Variants in HHIPL1 observed in about 807,000 individuals in gnomAD.
The protein encoded by HHIPL1 is HHIP like 1.
HHIPL1 carries 43 observed loss-of-function variants against 61.8 expected under a neutral mutation model. That is an observed-to-expected ratio of 0.70 (90% CI 0.55 to 0.90). The LOEUF is 0.90. Ranked by LOEUF, HHIPL1 falls within the 40% of genes least tolerant of loss-of-function variation. The pLI is 0.00. For missense variants in HHIPL1, 1,056 were observed against 1,157.7 expected (o/e 0.91, Z 1.28); for synonymous variants, 482 against 515.8 (o/e 0.93, Z 0.89).
rs1159944908 is a variant in HHIPL1 at position 99,668,709 on chromosome 14, T to C, written c.1730+406T>C. On this transcript the variant is annotated intron_variant, in intron 7 of 8. Coordinates refer to ENST00000330710, the MANE Select transcript of HHIPL1 (RefSeq NM_001127258.3). This position sits in a 1 kb window ranked among gnomAD's most constrained non-coding sequence, Gnocchi z 4.7. ...ATTTGCCTCTGTGATGCCTCCCAGA[T>C]GACACCCTGATCCCTGTGTGTCCCC... 2.9e-6 allele frequency: 2 copies of C among 697,424 alleles called. No individual in the cohort carries two copies. The highest frequency in any genetic ancestry group is 4.3e-6 in the Non-Finnish European group (2 of 460,704). 43.2% of individuals were successfully genotyped at this position (697,424 alleles called of 1,614,324 possible).
intron 5 of HHIPL1, among the ~76,000 whole-genome samples, chr14:99,661,880 G>A (rs2056158840): frequency 6.6e-6 from 1 of 152,144 alleles, no homozygotes; most frequent in South Asian, 2.1e-4. Context: ...TTCTGATTTT[G>A]TGTCCAGCCT....
At chr14:99,671,488 C>A (rs1042559849) in intron 7 of HHIPL1, among the ~76,000 whole-genome samples, 3 of 152,166 alleles carry the variant, frequency 2.0e-5, no homozygotes, top group African/African-American at 7.2e-5. Context: ...TTCGGCCAAG[C>A]CTGTCTGGAG....
chr14:99,627,931 G>A, the HHIPL1 span, among the ~76,000 whole-genome samples: 1 of 152,198 alleles, frequency 6.6e-6, no homozygotes, highest in Non-Finnish European at 1.5e-5. This position sits in a 1 kb window ranked among gnomAD's most constrained non-coding sequence, Gnocchi z 4.4. Context: ...AGGAAGGGCT[G>A]GAATGCATGG....
intron 1 of HHIPL1, among the ~76,000 whole-genome samples, chr14:99,649,292 C>T (rs1430219771): frequency 6.6e-6 from 1 of 152,172 alleles, no homozygotes; most frequent in Non-Finnish European, 1.5e-5. Flanking sequence ...CGTTGCCTTC[C>T]AGATGTCTGT....
chr14:99,622,005 G>C, the HHIPL1 span, among the ~76,000 whole-genome samples: 1 of 152,096 alleles, frequency 6.6e-6, no homozygotes, highest in African/African-American at 2.4e-5. Context: ...ATAAGCCACC[G>C]CGCCTGGCCA....
At chr14:99,627,278 G>A in the HHIPL1 span, among the ~76,000 whole-genome samples, 15 of 147,782 alleles carry the variant, frequency 1.0e-4, no homozygotes, top group African/African-American at 3.8e-4. This position sits in a 1 kb window ranked among gnomAD's most constrained non-coding sequence, Gnocchi z 4.4. Flanking sequence ...CCACCTATCT[G>A]TTCATCTATT....
chr14:99,616,350 A>G, the HHIPL1 span, among the ~76,000 whole-genome samples: 1 of 152,248 alleles, frequency 6.6e-6, no homozygotes, highest in African/African-American at 2.4e-5. Flanking sequence ...TATCCTCGTC[A>G]TTAAGTGACA....
At chr14:99,630,627 C>T in the HHIPL1 span, among the ~76,000 whole-genome samples, 1 of 152,206 alleles carries the variant, frequency 6.6e-6, no homozygotes, top group Non-Finnish European at 1.5e-5. Context: ...GGGGAAGGGT[C>T]CACCGCCGAA....
chr14:99,644,127 C>T (rs2055789180), upstream of HHIPL1, among the ~76,000 whole-genome samples: 1 of 152,158 alleles, frequency 6.6e-6, no homozygotes, highest in Non-Finnish European at 1.5e-5. Context: ...GTGCTCCAGC[C>T]CTGCCGCATC....
rs2056372398 is a variant in HHIPL1 at position 99,675,151 on chromosome 14, C to G, written c.1874C>G (p.Pro625Arg). The change falls in exon 9 of 9, where the codon CCC becomes CGC. Residue 625 changes from proline (P) to arginine (R), a missense_variant. Transcript: ENST00000330710. The surrounding 1 kb of genome is among the most constrained non-coding windows in gnomAD (Gnocchi z 5.4). ...RPTARAPTRA[P>R]RRGRPTAAPP... ...ACAGCGCGGGCGCCCACGCGGGCGC[C>G]CCGCCGAGGGCGCCCCACGGCCGCT... The G allele has an allele frequency of 5.4e-6, 6 of 1,109,090 alleles. No homozygotes were observed. The highest frequency in any genetic ancestry group is 3.8e-5 in the South Asian group (1 of 26,494). The allele number at this position is 1,109,090 out of a possible 1,614,324, so 68.7% of individuals were successfully genotyped here. A position where few individuals can be genotyped will look rare whatever the true frequency, so the allele number is the denominator to read the frequency against.
At chr14:99,619,411 G>A in the HHIPL1 span, among the ~76,000 whole-genome samples, 23,844 of 150,228 alleles carry the variant, frequency 0.16, 2,428 homozygotes, top group East Asian at 0.32. Flanking sequence ...GCAGTGGGCC[G>A]AGATCGCACT....
chr14:99,608,010 G>A, the HHIPL1 span, among the ~76,000 whole-genome samples: 1 of 152,190 alleles, frequency 6.6e-6, no homozygotes, highest in East Asian at 1.9e-4. Flanking sequence ...CTCAGGCACT[G>A]GGAGTGGCTT....
the HHIPL1 span, among the ~76,000 whole-genome samples, chr14:99,619,606 A>G: frequency 6.6e-6 from 1 of 152,074 alleles, no homozygotes; most frequent in African/African-American, 2.4e-5. Context: ...GGAAGTCACC[A>G]CCTCTGAGTT....
At chr14:99,654,759 C>T (rs1020908924) in intron 2 of HHIPL1, among the ~76,000 whole-genome samples, 1 of 152,186 alleles carries the variant, frequency 6.6e-6, no homozygotes, top group Non-Finnish European at 1.5e-5. Context: ...AGCTTCCTGG[C>T]AGCCAGAGTG....
intron 8 of HHIPL1, among the ~76,000 whole-genome samples, chr14:99,673,994 G>T (rs1223210741): frequency 2.0e-5 from 3 of 151,718 alleles, no homozygotes; most frequent in African/African-American, 7.3e-5. Context: ...GAGCCACAGT[G>T]GGAGAGGTGA....
the HHIPL1 span, among the ~76,000 whole-genome samples, chr14:99,611,001 C>T: frequency 5.9e-5 from 9 of 152,308 alleles, no homozygotes; most frequent in Non-Finnish European, 1.2e-4. Flanking sequence ...AAGTAGTACC[C>T]CTGTCCCCCA....
At chr14:99,611,293 ATTT>A in the HHIPL1 span, among the ~76,000 whole-genome samples, 33 of 127,358 alleles carry the variant, frequency 2.6e-4, no homozygotes, top group African/African-American at 7.8e-4. Context: ...ACCACCTGTA[ATTT>A]TTTTTTTTTT....
the HHIPL1 span, among the ~76,000 whole-genome samples, chr14:99,627,226 A>G: frequency 6.6e-6 from 1 of 151,146 alleles, no homozygotes; most frequent in Non-Finnish European, 1.5e-5. The surrounding 1 kb of genome is among the most constrained non-coding windows in gnomAD (Gnocchi z 4.4). Context: ...CCATCCATCC[A>G]TCCATCCATC....
At chr14:99,647,027 G>A (rs2055852840) in intron 1 of HHIPL1, among the ~76,000 whole-genome samples, 1 of 152,150 alleles carries the variant, frequency 6.6e-6, no homozygotes, top group Non-Finnish European at 1.5e-5. Context: ...AAGGGTCCAG[G>A]TGAGGCTTGG....
Sources: allele counts gnomAD v4.1 joint callset (sites outside exome capture counted in the v4.1 genomes callset), GRCh38; gene constraint gnomAD v4.1.1; non-coding constraint Gnocchi (gnomAD v3.1); transcripts MANE v1.5; gene names NCBI Gene and HGNC (gene_info 2026-07-23, HGNC 2026-07-21).